ATXN10: variants seen among roughly 807,000 people sequenced by gnomAD.
ATXN10 encodes ataxin-10.
A neutral mutation model predicts 52.9 loss-of-function variants in ATXN10; 28 were observed. That is an observed-to-expected ratio of 0.53 (90% CI 0.39 to 0.73). ATXN10 has a LOEUF of 0.73. Ranked by LOEUF, ATXN10 falls within the 30% of genes least tolerant of loss-of-function variation. The probability of loss-of-function intolerance (pLI) is 0.00; values close to 1 mark genes in which losing one functional copy is unlikely to be tolerated. For synonymous variants in ATXN10, 226 were observed against 221.5 expected (o/e 1.02, Z -0.18); for missense variants, 565 against 577.0 (o/e 0.98, Z 0.21).
intron 7 of ATXN10, among the ~76,000 whole-genome samples, chr22:45,737,185 A>G (rs1925329989): frequency 6.6e-6 from 1 of 152,190 alleles, no homozygotes; most frequent in African/African-American, 2.4e-5. Flanking sequence ...TCTGATGTTT[A>G]ATGTGCCACT....
At chr22:45,682,063 C>G (rs1422773552) in intron 1 of ATXN10, among the ~76,000 whole-genome samples, 3 of 152,116 alleles carry the variant, frequency 2.0e-5, no homozygotes, top group African/African-American at 7.2e-5. Context: ...TTCTTCTCTC[C>G]CCCCTTAAAA....
In ATXN10 at chr22:45,690,669, T is replaced by C. The variant is rs1923336101; in HGVS notation, c.308+766T>C. ...CAAGATGACCTGTCTTTCCTAAAGATCATGTAAAGTTCCAAGCTCTGCTTC... is the reference window on the plus strand; with the variant it reads ...CAAGATGACCTGTCTTTCCTAAAGACCATGTAAAGTTCCAAGCTCTGCTTC... On this transcript the variant is annotated intron_variant, in intron 2 of 11. Coordinates refer to ENST00000252934, the MANE Select transcript of ATXN10 (RefSeq NM_013236.4). The surrounding 1 kb of genome is among the most constrained non-coding windows in gnomAD (Gnocchi z 4.5). Among the ~76,000 whole-genome samples the C allele has an allele frequency of 6.6e-6, 1 of 152,212 alleles. No individual in the cohort carries two copies.
rs12484806 is a variant in ATXN10, at chr22:45,691,303, C to G, written c.308+1400C>G. On this transcript the variant is annotated intron_variant, in intron 2 of 11. Transcript: ENST00000252934. ...CTTTTGACTGTGGCTGGCAGATACA[C>G]CTTTGTGCTTGGCTAATCTTGGTGG... 4.9e-3 allele frequency among the ~76,000 whole-genome samples: 740 copies of G among 152,272 alleles called. 22 individuals are homozygous for G. The highest frequency in any genetic ancestry group is 0.045 in the Admixed American group (693 of 15,292).
intron 9 of ATXN10, among the ~76,000 whole-genome samples, chr22:45,747,717 A>T (rs6006801): frequency 6.6e-6 from 1 of 152,116 alleles, no homozygotes; most frequent in African/African-American, 2.4e-5. Flanking sequence ...AAGTGTCTCA[A>T]CCTTTCTGAA....
intron 3 of ATXN10, among the ~76,000 whole-genome samples, chr22:45,698,718 A>T (rs1329068265): frequency 2.6e-5 from 4 of 152,250 alleles, no homozygotes; most frequent in Non-Finnish European, 5.9e-5. Context: ...GAAAATGGAA[A>T]GGAAGTAATA....
chr22:45,698,645 A>G (rs775869980), intron 3 of ATXN10, among the ~76,000 whole-genome samples: 1 of 152,274 alleles, frequency 6.6e-6, no homozygotes, highest in East Asian at 1.9e-4. Context: ...TTGTGTTCCT[A>G]TTTAGTAGAT....
chr22:45,737,129 G>T (rs138169), intron 7 of ATXN10, among the ~76,000 whole-genome samples: 33,301 of 152,112 alleles, frequency 0.22, 4,082 homozygotes, highest in African/African-American at 0.35. Flanking sequence ...AGCCATAGCT[G>T]TAAAACCGCT....
At chr22:45,755,655 T>C (rs1173940388) in intron 9 of ATXN10, among the ~76,000 whole-genome samples, 1 of 152,152 alleles carries the variant, frequency 6.6e-6, no homozygotes, top group African/African-American at 2.4e-5. Flanking sequence ...GTTTCTTCTA[T>C]AGATTGGAAA....
chr22:45,800,926 A>C (rs1257634799), intron 9 of ATXN10, among the ~76,000 whole-genome samples: 6 of 152,216 alleles, frequency 3.9e-5, no homozygotes. Context: ...AGAGCTGCGC[A>C]AGGAGCTTTT....
Position 45,823,120 on chromosome 22 carries a change from G to A in ATXN10, c.1237+16098G>A, listed in dbSNP as rs1199233709. The A allele has an allele frequency of 2.1e-6, 1 of 471,528 alleles. No homozygotes were observed. The highest frequency in any genetic ancestry group is 4.4e-6 in the Non-Finnish European group (1 of 227,122). The allele number at this position is 471,528 out of a possible 1,614,324, so 29.2% of individuals were successfully genotyped here. A position where few individuals can be genotyped will look rare whatever the true frequency, so the allele number is the denominator to read the frequency against. On this transcript the variant is annotated intron_variant, in intron 10 of 11. Coordinates refer to ENST00000252934, the MANE Select transcript of ATXN10 (RefSeq NM_013236.4). The surrounding 1 kb of genome is among the most constrained non-coding windows in gnomAD (Gnocchi z 4.9). Reference sequence around the variant, plus strand: ...TATACATCTTGACATAAGTACAGATGTATGTACGCATCACCCAGATGGAAA... The same window carrying A: ...TATACATCTTGACATAAGTACAGATATATGTACGCATCACCCAGATGGAAA...
intron 7 of ATXN10, among the ~76,000 whole-genome samples, chr22:45,730,979 A>G (rs1043361906): frequency 1.3e-5 from 2 of 152,172 alleles, no homozygotes; most frequent in African/African-American, 2.4e-5. Context: ...TTAATTATTT[A>G]AACTATTTTT....
rs1413509986 is a variant in ATXN10, at chr22:45,786,696, T to C, written c.1174-20263T>C. Among the ~76,000 whole-genome samples the C allele has an allele frequency of 1.3e-5, 2 of 152,242 alleles. No individual in the cohort carries two copies. The highest frequency in any genetic ancestry group is 2.9e-5 in the Non-Finnish European group (2 of 68,048). On this transcript the variant is annotated intron_variant, in intron 9 of 11. Coordinates refer to ENST00000252934, the MANE Select transcript of ATXN10 (RefSeq NM_013236.4). This position sits in a 1 kb window ranked among gnomAD's most constrained non-coding sequence, Gnocchi z 4.1. ...AAAATGTAGGCAGCTGGAGGAATGC[T>C]CAGCCTTCCTTTATGGCAAAGGAAA...
Position 45,843,867 on chromosome 22 carries a change from A to G in ATXN10, c.*196A>G, listed in dbSNP as rs1032255988. On this transcript the variant is annotated 3_prime_UTR_variant, in exon 12 of 12. Transcript: ENST00000252934. This position sits in a 1 kb window ranked among gnomAD's most constrained non-coding sequence, Gnocchi z 4.5. ...AGTGTTCTCTTGTTTCTTTGCATTA[A>G]TGTAACTGTGTGGTTTGCCTTTGTC... 6.4e-6 allele frequency: 4 copies of G among 621,916 alleles called. No homozygotes were observed. In the African/African-American group the frequency reaches 7.4e-5, roughly 11 times the overall value. The allele number at this position is 621,916 out of a possible 1,614,324, so 38.5% of individuals were successfully genotyped here. A position where few individuals can be genotyped will look rare whatever the true frequency, so the allele number is the denominator to read the frequency against.
intron 10 of ATXN10, among the ~76,000 whole-genome samples, chr22:45,829,798 C>T (rs1928930097): frequency 6.6e-6 from 1 of 152,074 alleles, no homozygotes; most frequent in Non-Finnish European, 1.5e-5. Context: ...CAGTACTGCT[C>T]AGAGCAATTA....
chr22:45,745,698 C>T (rs1925701108), intron 9 of ATXN10, among the ~76,000 whole-genome samples: 1 of 152,184 alleles, frequency 6.6e-6, no homozygotes, highest in African/African-American at 2.4e-5. Context: ...CATCATGTTA[C>T]TCCCAGCATC....
chr22:45,716,364 T>TCGC (rs1366538361), intron 5 of ATXN10, among the ~76,000 whole-genome samples: 1 of 150,326 alleles, frequency 6.7e-6, no homozygotes, highest in Non-Finnish European at 1.5e-5. Context: ...TCTTGCTCTG[T>TCGC]CGCCCATGCT....
rs1293065880 is a variant in ATXN10, at chr22:45,728,245, G to A, written c.729-1180G>A. Among the ~76,000 whole-genome samples the A allele has an allele frequency of 6.6e-6, 1 of 152,024 alleles. No individual in the cohort carries two copies. The highest frequency in any genetic ancestry group is 1.5e-5 in the Non-Finnish European group (1 of 68,016). On this transcript the variant is annotated intron_variant, in intron 6 of 11. Transcript: ENST00000252934. The surrounding 1 kb of genome is among the most constrained non-coding windows in gnomAD (Gnocchi z 4.3). Reference sequence around the variant, plus strand: ...GGTGCCTGTCGACCTTTTATTTCAAGCTTTAGAACTTTTAGCCTCAATTTA... The same window carrying A: ...GGTGCCTGTCGACCTTTTATTTCAAACTTTAGAACTTTTAGCCTCAATTTA...
intron 1 of ATXN10, among the ~76,000 whole-genome samples, chr22:45,685,499 A>T (rs111935443): frequency 6.6e-6 from 1 of 152,234 alleles, no homozygotes; most frequent in South Asian, 2.1e-4. Flanking sequence ...AAATGACAGC[A>T]GTTATTATTA....
intron 5 of ATXN10, among the ~76,000 whole-genome samples, chr22:45,703,805 G>A (rs1923932075): frequency 6.6e-6 from 1 of 152,256 alleles, no homozygotes; most frequent in East Asian, 1.9e-4. Context: ...GCTAAGAGGG[G>A]CAAGGCAGAA....
Sources: allele counts gnomAD v4.1 joint callset (sites outside exome capture counted in the v4.1 genomes callset), GRCh38; gene constraint gnomAD v4.1.1; non-coding constraint Gnocchi (gnomAD v3.1); transcripts MANE v1.5; gene names NCBI Gene and HGNC (gene_info 2026-07-23, HGNC 2026-07-21).